ATF7IP: variants seen among roughly 807,000 people sequenced by gnomAD.
ATF7IP encodes the protein activating transcription factor 7 interacting protein.
ATF7IP carries 23 observed loss-of-function variants against 106.4 expected under a neutral mutation model. The ratio of observed to expected loss-of-function variants is 0.22; its 90% CI spans 0.16 to 0.31. The LOEUF (loss-of-function observed/expected upper bound fraction) is 0.31, where lower values mean the gene tolerates loss of function less well. Ranked by LOEUF, ATF7IP falls within the 10% of genes least tolerant of loss-of-function variation. The probability of loss-of-function intolerance (pLI) is 1.00; values close to 1 mark genes in which losing one functional copy is unlikely to be tolerated. For missense variants in ATF7IP, 1,334 were observed against 1,524.3 expected, an observed-to-expected ratio of 0.88 and a Z score of 2.08; for synonymous variants, 542 against 539.0, an observed-to-expected ratio of 1.01 and a Z score of -0.08.
intron 6 of ATF7IP, 116 bp downstream of exon 6, chr12:14,447,169 C>A: frequency 1.5e-6 from 1 of 651,386 alleles, no homozygotes; most frequent in Non-Finnish European, 2.5e-6. Flanking sequence ...ATACTGTGTA[C>A]TCCTCTATGT....
chr12:14,457,303 T>G lies in ATF7IP; in HGVS notation c.2158+8T>G. ...AAACTCCTGTGAATACAGGTAACTTTTTTTTTAAATACCAAAATACATTTT... is the reference window on the plus strand; with the variant it reads ...AAACTCCTGTGAATACAGGTAACTTGTTTTTTAAATACCAAAATACATTTT... On this transcript the variant is annotated splice_region_variant and intron_variant, in intron 8 of 14. Transcript: ENST00000261168. 1 of 1,573,646 alleles carries G rather than the reference T, an allele frequency of 6.4e-7. No homozygotes were observed. Among genetic ancestry groups the G allele is most frequent in the South Asian group, 1.2e-5 (1 of 86,278 alleles).
At chr12:14,461,647 G>A (rs1294750496) in intron 9 of ATF7IP, among the ~76,000 whole-genome samples, 5 of 151,782 alleles carry the variant, frequency 3.3e-5, no homozygotes, top group African/African-American at 7.3e-5. Flanking sequence ...TATCTTTTCC[G>A]TGTTTTCCCA....
chr12:14,373,183 G>A lies in ATF7IP; in HGVS notation c.-8+7356G>A, dbSNP rs993431672. Among the ~76,000 whole-genome samples the A allele has an allele frequency of 2.6e-5, 4 of 152,184 alleles. No individual in the cohort carries two copies. The East Asian group carries it at 7.7e-4, about 29-fold the overall frequency. On this transcript the variant is annotated intron_variant, in intron 1 of 14. Transcript: ENST00000261168. ...AGGAAAAAGCATGTAAGGGAAAAGA[G>A]AGACTGCTTTTGAACTCTTTTATTT...
chr12:14,474,847 T>G (rs1222055798), intron 10 of ATF7IP, among the ~76,000 whole-genome samples: 1 of 152,242 alleles, frequency 6.6e-6, no homozygotes, highest in Non-Finnish European at 1.5e-5. Flanking sequence ...TATGTTGTAG[T>G]GAAAGATTAT....
Position 14,367,219 on chromosome 12 carries a change from TAATCTC to T in ATF7IP, c.-8+1393_-8+1398del, listed in dbSNP as rs773372614. On this transcript the variant is annotated intron_variant, in intron 1 of 14. Coordinates refer to ENST00000261168, the MANE Select transcript of ATF7IP (RefSeq NM_018179.5). The stretch of plus-strand genomic sequence containing the variant: ...AAATGAAGACGTGCCTCTTGCTTTA[TAATCTC>T]GGTTAATTTAGGGAAATTTTTATTG... 1.6e-4 allele frequency: 24 copies of T among 152,304 alleles called. No individual in the cohort carries two copies. In the Middle Eastern group the frequency reaches 0.01, roughly 65 times the overall value. The allele number at this position is 152,304 out of a possible 1,614,324, so 9.4% of individuals were successfully genotyped here. A position where few individuals can be genotyped will look rare whatever the true frequency, so the allele number is the denominator to read the frequency against.
chr12:14,482,177 A>G (rs1944452276), intron 13 of ATF7IP: 1 of 152,168 alleles, frequency 6.6e-6, no homozygotes, highest in Admixed American at 6.5e-5. Flanking sequence ...CTTTCCATCA[A>G]AGGTAACCAC....
chr12:14,378,100 CTTTTT>C (rs59879512), intron 1 of ATF7IP, among the ~76,000 whole-genome samples: 2 of 137,884 alleles, frequency 1.5e-5, no homozygotes, highest in South Asian at 2.2e-4. Context: ...TTTTCTTTTT[CTTTTT>C]TTTTTTTTTT....
intron 1 of ATF7IP, among the ~76,000 whole-genome samples, chr12:14,400,679 TTAGA>T (rs774020768): frequency 3.9e-5 from 6 of 152,154 alleles, no homozygotes; most frequent in Non-Finnish European, 7.4e-5. Flanking sequence ...TGATACATTG[TTAGA>T]TAGATACCTT....
intron 1 of ATF7IP, among the ~76,000 whole-genome samples, chr12:14,417,393 T>C (rs1468380723): frequency 6.6e-6 from 1 of 152,144 alleles, no homozygotes; most frequent in Non-Finnish European, 1.5e-5. Context: ...CTAGTAATCC[T>C]TTGGGTCCAG....
chr12:14,489,463 G>A (rs1415099407), intron 13 of ATF7IP, among the ~76,000 whole-genome samples: 2 of 152,210 alleles, frequency 1.3e-5, no homozygotes, highest in Non-Finnish European at 2.9e-5. Context: ...ACGTAATGTC[G>A]CAGGAACAGG....
intron 1 of ATF7IP, among the ~76,000 whole-genome samples, chr12:14,381,588 CT>C (rs1159867489): frequency 6.6e-6 from 1 of 151,878 alleles, no homozygotes; most frequent in African/African-American, 2.4e-5. Flanking sequence ...TTATTTCTCT[CT>C]GTTTTTTTAG....
chr12:14,430,000 A>T (rs1221085210), intron 2 of ATF7IP, among the ~76,000 whole-genome samples: 1 of 152,210 alleles, frequency 6.6e-6, no homozygotes, highest in African/African-American at 2.4e-5. Flanking sequence ...AGTAGGTAGC[A>T]TGTAGCTATT....
At position 14,494,327 on chromosome 12, in the gene ATF7IP, A is replaced by ATGTGTG. The variant is rs1288418837; in HGVS notation, c.3281-1903_3281-1902insGTGTGT. Among the ~76,000 whole-genome samples the ATGTGTG allele has an allele frequency of 1.7e-3, 150 of 86,822 alleles. 4 individuals carry two copies. Among genetic ancestry groups the ATGTGTG allele is most frequent in the Non-Finnish European group, 2.5e-3 (116 of 46,110 alleles). 57.0% of individuals were successfully genotyped at this position (86,822 alleles called of 152,430 possible). On this transcript the variant is annotated intron_variant, in intron 13 of 14. Transcript: ENST00000261168. ...TATATATATATATATATATATATAT[A>ATGTGTG]TATATATGTGTGTGTGTATATGTAT... is the stretch of plus-strand genomic sequence containing the variant.
intron 1 of ATF7IP, among the ~76,000 whole-genome samples, chr12:14,402,478 A>C (rs990334240): frequency 3.3e-5 from 5 of 151,980 alleles, no homozygotes; most frequent in Non-Finnish European, 7.4e-5. Context: ...CCTCCCTGAC[A>C]ATACTTCTAA....
intron 14 of ATF7IP, among the ~76,000 whole-genome samples, chr12:14,497,034 C>G (rs768059421): frequency 6.6e-6 from 1 of 152,154 alleles, no homozygotes; most frequent in Non-Finnish European, 1.5e-5. Flanking sequence ...CATACGTCCC[C>G]TCACTTTACT....
rs530771999 is a variant in ATF7IP at position 14,428,186 on chromosome 12, T to A, written c.1558+2713T>A. ...GAAAGTTAAAAAAGCAAATTGCAGCTTATGATTTAATGAGTACCTTTATGT... is the reference window on the plus strand; with the variant it reads ...GAAAGTTAAAAAAGCAAATTGCAGCATATGATTTAATGAGTACCTTTATGT... On this transcript the variant is annotated intron_variant, in intron 2 of 14. Transcript: ENST00000261168. Among the ~76,000 whole-genome samples, 12 of 152,246 alleles carry A rather than the reference T, an allele frequency of 7.9e-5. No individual in the cohort carries two copies. The South Asian group carries it at 2.5e-3, about 32-fold the overall frequency.
chr12:14,491,374 G>T (rs1157521469), intron 13 of ATF7IP, among the ~76,000 whole-genome samples: 1 of 152,212 alleles, frequency 6.6e-6, no homozygotes. Flanking sequence ...TAACAGGAAT[G>T]TGTTGACAGG....
At position 14,444,349 on chromosome 12, in the gene ATF7IP, G is replaced by A. The variant is rs1159946589; in HGVS notation, c.1930-2639G>A. On this transcript the variant is annotated intron_variant, in intron 5 of 14. Transcript: ENST00000261168. Reference sequence around the variant, plus strand: ...CTTGCTTTTATGAGCAGTAATATTTGTTATAGGCCAACCTTGATGTTAAGG... The same window carrying A: ...CTTGCTTTTATGAGCAGTAATATTTATTATAGGCCAACCTTGATGTTAAGG... Among the ~76,000 whole-genome samples the A allele has an allele frequency of 4.6e-5, 7 of 152,178 alleles. 1 individual carries two copies. In the South Asian group the frequency reaches 1.5e-3, roughly 32 times the overall value.
intron 13 of ATF7IP, among the ~76,000 whole-genome samples, chr12:14,495,958 TC>T (rs1343665352): frequency 6.6e-6 from 1 of 152,212 alleles, no homozygotes; most frequent in East Asian, 1.9e-4. Flanking sequence ...CTTTATTTTC[TC>T]ACGTACTGGT....
Sources: gnomAD v4.1 joint callset for allele counts (sites outside exome capture counted in the v4.1 genomes callset) on GRCh38, gnomAD v4.1.1 for gene constraint, MANE v1.5 for transcripts, NCBI Gene and HGNC (gene_info 2026-07-23, HGNC 2026-07-21) for gene names.